The following CPA6 variants were observed in gnomAD, a reference collection of about 807,000 sequenced individuals.
CPA6 encodes carboxypeptidase B.
In CPA6, 58 loss-of-function variants were observed where a neutral mutation model predicts 63.3. That is an observed-to-expected ratio of 0.92 (90% CI 0.74 to 1.14). The LOEUF (loss-of-function observed/expected upper bound fraction) is 1.14, where lower values mean the gene tolerates loss of function less well. Among genes scored for constraint, CPA6 ranks in the 50% most tolerant of loss-of-function variants. The pLI, the probability that CPA6 is intolerant of heterozygous loss-of-function variation, is 0.00. For synonymous variants in CPA6, 185 were observed against 179.0 expected (o/e 1.03, Z -0.27); for missense variants, 565 against 526.6 (o/e 1.07, Z -0.71).
At chr8:67,544,301 C>T (rs1812768199) in intron 2 of CPA6, among the ~76,000 whole-genome samples, 1 of 152,174 alleles carries the variant, frequency 6.6e-6, no homozygotes, top group African/African-American at 2.4e-5. Flanking sequence ...GTCAGAATCC[C>T]AGGTGTACCA....
At chr8:67,493,074 T>C (rs1811640126) in intron 6 of CPA6, among the ~76,000 whole-genome samples, 2 of 152,194 alleles carry the variant, frequency 1.3e-5, no homozygotes, top group South Asian at 4.1e-4. Flanking sequence ...TATGATGAGC[T>C]GTTTTCCATT....
chr8:67,651,484 T>C (rs1815836153), intron 1 of CPA6, among the ~76,000 whole-genome samples: 1 of 152,164 alleles, frequency 6.6e-6, no homozygotes, highest in Admixed American at 6.5e-5. Flanking sequence ...CAATATTTTA[T>C]TTGTATTGTT....
At chr8:67,560,490 G>A (rs6996764) in intron 2 of CPA6, among the ~76,000 whole-genome samples, 3 of 152,098 alleles carry the variant, frequency 2.0e-5, no homozygotes, top group Admixed American at 1.3e-4. Flanking sequence ...ACTGGTTCCC[G>A]TGATAGGGAA....
At chr8:67,469,965 A>G (rs1461293024) in intron 8 of CPA6, among the ~76,000 whole-genome samples, 1 of 151,904 alleles carries the variant, frequency 6.6e-6, no homozygotes, top group Non-Finnish European at 1.5e-5. Flanking sequence ...CTAGCTCACA[A>G]TGTGGCAGAT....
chr8:67,576,486 G>A (rs1813629562), intron 2 of CPA6, among the ~76,000 whole-genome samples: 1 of 152,110 alleles, frequency 6.6e-6, no homozygotes, highest in Non-Finnish European at 1.5e-5. Context: ...ATAGGTGTAT[G>A]CTCTAAAAAT....
At chr8:67,463,293 C>T (rs867592713) in intron 8 of CPA6, among the ~76,000 whole-genome samples, 2 of 151,934 alleles carry the variant, frequency 1.3e-5, no homozygotes, top group South Asian at 4.2e-4. Context: ...AAAATAAAAA[C>T]ATTAGCCAGG....
intron 8 of CPA6, among the ~76,000 whole-genome samples, chr8:67,482,771 C>G (rs1811386527): frequency 6.6e-6 from 1 of 152,176 alleles, no homozygotes; most frequent in Non-Finnish European, 1.5e-5. Flanking sequence ...TAAAATTGCC[C>G]AAATTACTGA....
chr8:67,432,493 T>C (rs1304639033), intron 9 of CPA6, among the ~76,000 whole-genome samples: 1 of 152,114 alleles, frequency 6.6e-6, no homozygotes, highest in East Asian at 1.9e-4. Flanking sequence ...AGGGTCTCAC[T>C]CTGTCTCCCT....
rs760622173 is a variant in CPA6 at position 67,713,091 on chromosome 8, G to A, written c.116+32923C>T. On this transcript the variant is annotated intron_variant, in intron 1 of 10. Transcript: ENST00000297770. ...TGTGTATCTGTGTGTGTATGTGTGT[G>A]TGTGTGTGTATATATATATATATAT... Among the ~76,000 whole-genome samples, 360 of 89,502 alleles carry A rather than the reference G, an allele frequency of 4.0e-3. 1 individual carries two copies. The highest frequency in any genetic ancestry group is 6.2e-3 in the Non-Finnish European group (291 of 46,778). 58.7% of individuals were successfully genotyped at this position (89,502 alleles called of 152,430 possible). A position where few individuals can be genotyped will look rare whatever the true frequency, so the allele number is the denominator to read the frequency against.
At chr8:67,486,891 C>T (rs1446899750) in intron 6 of CPA6, among the ~76,000 whole-genome samples, 4 of 147,224 alleles carry the variant, frequency 2.7e-5, no homozygotes, top group East Asian at 2.0e-4. Context: ...TTTTTGGAGA[C>T]GTCTTGCTTT....
chr8:67,536,965 G>T (rs890895656), intron 2 of CPA6, among the ~76,000 whole-genome samples: 12 of 152,250 alleles, frequency 7.9e-5, no homozygotes. Context: ...TGTGGTTTTT[G>T]TCATTGTTTC....
intron 2 of CPA6, among the ~76,000 whole-genome samples, chr8:67,566,286 C>A (rs1451980032): frequency 6.6e-6 from 1 of 152,194 alleles, no homozygotes; most frequent in African/African-American, 2.4e-5. Flanking sequence ...TCTGACCTTG[C>A]AGTCACCTTC....
intron 8 of CPA6, among the ~76,000 whole-genome samples, chr8:67,447,707 C>T (rs1810461717): frequency 6.6e-6 from 1 of 152,092 alleles, no homozygotes; most frequent in Non-Finnish European, 1.5e-5. Context: ...CTCCTTCATC[C>T]CTACTAGCAA....
At chr8:67,542,782 C>T (rs1812734869) in intron 2 of CPA6, among the ~76,000 whole-genome samples, 1 of 152,166 alleles carries the variant, frequency 6.6e-6, no homozygotes, top group South Asian at 2.1e-4. Context: ...TTCTTGATCC[C>T]TATTCAACCC....
chr8:67,622,202 C>T (rs1263842973), intron 2 of CPA6, among the ~76,000 whole-genome samples: 2 of 152,198 alleles, frequency 1.3e-5, no homozygotes, highest in African/African-American at 4.8e-5. Flanking sequence ...AAACACTGGA[C>T]TTCAAAATGA....
chr8:67,450,734 C>A (rs1286949556), intron 8 of CPA6, among the ~76,000 whole-genome samples: 1 of 152,188 alleles, frequency 6.6e-6, no homozygotes, highest in Non-Finnish European at 1.5e-5. Flanking sequence ...CTCCTCTTGA[C>A]CTGAGGCTAC....
chr8:67,701,502 T>C (rs1047830550), intron 1 of CPA6, among the ~76,000 whole-genome samples: 7 of 152,228 alleles, frequency 4.6e-5, no homozygotes, highest in African/African-American at 1.4e-4. Flanking sequence ...CATTTCAAAA[T>C]CTTTAGAGAA....
intron 1 of CPA6, among the ~76,000 whole-genome samples, chr8:67,710,735 G>T (rs1817242519): frequency 1.3e-5 from 2 of 149,200 alleles, no homozygotes; most frequent in Admixed American, 6.7e-5. Context: ...GCCCAAAGGG[G>T]GTCTGTTTAG....
At chr8:67,517,793 C>T in intron 3 of CPA6, 130 bp downstream of exon 3, 1 of 927,888 alleles carries the variant, frequency 1.1e-6, no homozygotes, top group East Asian at 2.7e-5. Context: ...ATATTCATGT[C>T]AGTTTTCCCC....
Sources: gnomAD v4.1 joint callset for allele counts (sites outside exome capture counted in the v4.1 genomes callset) on GRCh38, gnomAD v4.1.1 for gene constraint, MANE v1.5 for transcripts, NCBI Gene and HGNC (gene_info 2026-07-23, HGNC 2026-07-21) for gene names.